Variants in PCCA observed in about 807,000 individuals in gnomAD.
The protein encoded by PCCA is propionyl-CoA carboxylase alpha chain, mitochondrial.
Under a neutral mutation model 101.3 loss-of-function variants are expected in PCCA, and 74 were observed. The observed-to-expected ratio is 0.73, with a 90% CI of 0.61 to 0.89. The LOEUF is 0.89. Ranked by LOEUF, PCCA falls within the 40% of genes least tolerant of loss-of-function variation. The pLI is 0.00. For synonymous variants in PCCA, 294 were observed against 313.6 expected (o/e 0.94, Z 0.66); for missense variants, 891 against 907.0 (o/e 0.98, Z 0.23).
At position 100,208,212 on chromosome 13, in the gene PCCA, A is replaced by G. The variant is rs966443679; in HGVS notation, c.469-1120A>G. Among the ~76,000 whole-genome samples the G allele has an allele frequency of 5.3e-5, 8 of 151,952 alleles. No homozygotes were observed. The South Asian group carries it at 6.2e-4, about 12-fold the overall frequency. On this transcript the variant is annotated intron_variant, in intron 6 of 23. Coordinates refer to ENST00000376285, the MANE Select transcript of PCCA (RefSeq NM_000282.4). ...TGTGTTTATTCCTTGTTCTACTTCTACTTCCTGCTCGGGGTGGGTTTAATC... is the reference window on the plus strand; with the variant it reads ...TGTGTTTATTCCTTGTTCTACTTCTGCTTCCTGCTCGGGGTGGGTTTAATC...
chr13:100,511,766 G>A (rs1207859703), intron 21 of PCCA, among the ~76,000 whole-genome samples: 2 of 152,256 alleles, frequency 1.3e-5, no homozygotes, highest in Admixed American at 6.5e-5. Flanking sequence ...CTCGGGAGCA[G>A]CCGCAGACCT....
intron 7 of PCCA, among the ~76,000 whole-genome samples, chr13:100,211,210 A>G (rs921815145): frequency 1.3e-5 from 2 of 152,210 alleles, no homozygotes; most frequent in African/African-American, 4.8e-5. Flanking sequence ...AAAGAAACAA[A>G]CATTTCTTCC....
intron 22 of PCCA, among the ~76,000 whole-genome samples, chr13:100,526,005 G>C (rs763205431): frequency 1.3e-5 from 2 of 152,242 alleles, no homozygotes; most frequent in Non-Finnish European, 2.9e-5. Context: ...TCCTAGGTCA[G>C]AGTCAGTCGC....
At chr13:100,111,157 G>A (rs1306471913) in intron 2 of PCCA, among the ~76,000 whole-genome samples, 3 of 148,226 alleles carry the variant, frequency 2.0e-5, no homozygotes, top group Non-Finnish European at 3.0e-5. Flanking sequence ...GATTAGAGGC[G>A]CGTACCACTA....
At chr13:100,304,473 A>G (rs1368660176) in intron 14 of PCCA, among the ~76,000 whole-genome samples, 1 of 152,200 alleles carries the variant, frequency 6.6e-6, no homozygotes, top group East Asian at 1.9e-4. Context: ...TTGGCCTGTC[A>G]TGGAGGCCCA....
chr13:100,412,671 GT>G lies in PCCA; in HGVS notation c.1747-12953del, dbSNP rs909012756. 2.5e-3 allele frequency among the ~76,000 whole-genome samples: 373 copies of G among 151,222 alleles called. 4 individuals carry two copies. Among genetic ancestry groups the G allele is most frequent in the African/African-American group, 8.6e-3 (354 of 41,192 alleles). The stretch of plus-strand genomic sequence containing the variant: ...ATCAACCTAATGGATAGTTAGTTTT[GT>G]TTTTTTTTAAACCAGGGTCTTCCTT... On this transcript the variant is annotated intron_variant, in intron 19 of 23. Coordinates refer to ENST00000376285, the MANE Select transcript of PCCA (RefSeq NM_000282.4).
At chr13:100,382,610 G>C (rs1220534175) in intron 19 of PCCA, among the ~76,000 whole-genome samples, 2 of 152,112 alleles carry the variant, frequency 1.3e-5, no homozygotes, top group Non-Finnish European at 2.9e-5. Flanking sequence ...CTACATGTCA[G>C]TAATTTAAAG....
At chr13:100,487,838 A>G (rs974614769) in intron 21 of PCCA, among the ~76,000 whole-genome samples, 1 of 151,544 alleles carries the variant, frequency 6.6e-6, no homozygotes, top group Non-Finnish European at 1.5e-5. Flanking sequence ...CGATCCTCCT[A>G]TCTCAGTTCA....
At chr13:100,266,662 T>C (rs2062956618) in intron 10 of PCCA, among the ~76,000 whole-genome samples, 1 of 152,200 alleles carries the variant, frequency 6.6e-6, no homozygotes, top group African/African-American at 2.4e-5. Context: ...TCACCTATTA[T>C]TTTTCACATG....
intron 7 of PCCA, among the ~76,000 whole-genome samples, chr13:100,220,041 A>G (rs1171401925): frequency 1.3e-5 from 2 of 152,084 alleles, no homozygotes; most frequent in African/African-American, 4.8e-5. Context: ...TTTCTGGCTT[A>G]AGGCTGTTCA....
At chr13:100,231,117 G>T (rs895513189) in intron 7 of PCCA, among the ~76,000 whole-genome samples, 1 of 152,182 alleles carries the variant, frequency 6.6e-6, no homozygotes, top group African/African-American at 2.4e-5. Context: ...GTTGTCACAT[G>T]CCCTCTTTAA....
intron 6 of PCCA, among the ~76,000 whole-genome samples, chr13:100,160,027 A>G (rs1280857194): frequency 6.6e-6 from 1 of 152,206 alleles, no homozygotes. Context: ...AATATCCAGG[A>G]CTAAAATGAT....
chr13:100,355,393 G>A (rs937785275), intron 18 of PCCA, among the ~76,000 whole-genome samples: 1 of 152,020 alleles, frequency 6.6e-6, no homozygotes, highest in Non-Finnish European at 1.5e-5. Context: ...TCTTTTTGCA[G>A]ATGACATGAT....
intron 21 of PCCA, among the ~76,000 whole-genome samples, chr13:100,479,176 A>C (rs906619107): frequency 6.6e-6 from 1 of 152,238 alleles, no homozygotes; most frequent in Non-Finnish European, 1.5e-5. Flanking sequence ...CTCAAATCCC[A>C]GGTAAACTCC....
At chr13:100,199,073 A>G (rs2058310264) in intron 6 of PCCA, among the ~76,000 whole-genome samples, 1 of 152,112 alleles carries the variant, frequency 6.6e-6, no homozygotes, top group African/African-American at 2.4e-5. Context: ...AGTTTTCAAA[A>G]TTTTTATTGT....
At chr13:100,203,327 T>G (rs1033109972) in intron 6 of PCCA, among the ~76,000 whole-genome samples, 4 of 151,802 alleles carry the variant, frequency 2.6e-5, no homozygotes, top group Non-Finnish European at 4.4e-5. Flanking sequence ...TGTATTGGTA[T>G]GTTTTTCTCC....
At chr13:100,375,577 G>C (rs1326545253) in intron 19 of PCCA, among the ~76,000 whole-genome samples, 1 of 152,114 alleles carries the variant, frequency 6.6e-6, no homozygotes, top group Non-Finnish European at 1.5e-5. Context: ...ATTTAGGATA[G>C]TTAGCCCTTC....
chr13:100,200,200 G>A (rs1370682232), intron 6 of PCCA, among the ~76,000 whole-genome samples: 1 of 152,162 alleles, frequency 6.6e-6, no homozygotes, highest in East Asian at 1.9e-4. Flanking sequence ...TGCCTCCCGG[G>A]TTCACACTGT....
chr13:100,100,411 G>A (rs1361260320), intron 1 of PCCA, among the ~76,000 whole-genome samples: 1 of 152,180 alleles, frequency 6.6e-6, no homozygotes. Context: ...AAACAGAATT[G>A]ATTAAAGTTC....
Sources: allele counts gnomAD v4.1 joint callset (sites outside exome capture counted in the v4.1 genomes callset), GRCh38; gene constraint gnomAD v4.1.1; transcripts MANE v1.5; gene names NCBI Gene and HGNC (gene_info 2026-07-23, HGNC 2026-07-21).